KCND2: variants seen among roughly 807,000 people sequenced by gnomAD.
KCND2 encodes the protein potassium voltage-gated channel subfamily D member 2.
A neutral mutation model predicts 54.4 loss-of-function variants in KCND2; 16 were observed. The ratio of observed to expected loss-of-function variants is 0.29; its 90% CI spans 0.20 to 0.45. KCND2 has a LOEUF of 0.45. KCND2 is among the 20% of genes least tolerant of loss of function. KCND2 has a pLI of 1.00. For synonymous variants in KCND2, 317 were observed against 310.7 expected, an observed-to-expected ratio of 1.02 and a Z score of -0.21; for missense variants, 486 against 824.2, an observed-to-expected ratio of 0.59 and a Z score of 5.02.
At chr7:120,701,457 T>C (rs1199656364) in intron 1 of KCND2, among the ~76,000 whole-genome samples, 1 of 152,042 alleles carries the variant, frequency 6.6e-6, no homozygotes, top group Non-Finnish European at 1.5e-5. Context: ...AGTGCTCATA[T>C]TCAAAAGGAG....
intron 1 of KCND2, among the ~76,000 whole-genome samples, chr7:120,523,437 T>A (rs1293042411): frequency 1.3e-5 from 2 of 150,382 alleles, no homozygotes; most frequent in Non-Finnish European, 3.0e-5. Context: ...ATTTAGGTAG[T>A]TTTTTAAATG....
At chr7:120,709,068 G>A (rs959796604) in intron 1 of KCND2, among the ~76,000 whole-genome samples, 3 of 152,034 alleles carry the variant, frequency 2.0e-5, no homozygotes, top group East Asian at 1.9e-4. Flanking sequence ...TACCCTGTCC[G>A]TGCTACCAAG....
At chr7:120,491,373 A>G (rs1330502119) in intron 1 of KCND2, among the ~76,000 whole-genome samples, 2 of 152,160 alleles carry the variant, frequency 1.3e-5, no homozygotes, top group Admixed American at 6.6e-5. Context: ...GTGGATATGT[A>G]TGATTATAGG....
At chr7:120,605,300 T>A (rs188661471) in intron 1 of KCND2, among the ~76,000 whole-genome samples, 1 of 152,252 alleles carries the variant, frequency 6.6e-6, no homozygotes, top group African/African-American at 2.4e-5. Flanking sequence ...CTAGACACTT[T>A]ATGTAAATGC....
chr7:120,725,905 G>A (rs974575521), intron 1 of KCND2, among the ~76,000 whole-genome samples: 4 of 152,056 alleles, frequency 2.6e-5, no homozygotes, highest in African/African-American at 7.2e-5. Flanking sequence ...ATTTATCCAC[G>A]CACTCCTTGA....
At chr7:120,570,416 T>C (rs374811647) in intron 1 of KCND2, among the ~76,000 whole-genome samples, 1 of 136,076 alleles carries the variant, frequency 7.3e-6, no homozygotes, top group East Asian at 2.1e-4. Context: ...TATAAAAAGT[T>C]AAAAAAAAAA....
At chr7:120,449,618 G>A (rs1237610119) in intron 1 of KCND2, among the ~76,000 whole-genome samples, 1 of 152,192 alleles carries the variant, frequency 6.6e-6, no homozygotes. Context: ...AAACTGGGAT[G>A]TGAAGACTTA....
Position 120,715,506 on chromosome 7 carries a change from C to T in KCND2, c.1116-17397C>T, listed in dbSNP as rs146483631. On this transcript the variant is annotated intron_variant, in intron 1 of 5. Transcript: ENST00000331113. ...TATTACATCTGAAGGGTGGATGTTCCGTATATAAAGGCACAAACACAGCTA... is the reference window on the plus strand; with the variant it reads ...TATTACATCTGAAGGGTGGATGTTCTGTATATAAAGGCACAAACACAGCTA... 3.0e-4 allele frequency among the ~76,000 whole-genome samples: 45 copies of T among 151,944 alleles called. No homozygotes were observed. The East Asian group carries it at 7.2e-3, about 24-fold the overall frequency.
At chr7:120,340,499 G>A (rs4730958) in intron 1 of KCND2, among the ~76,000 whole-genome samples, 101,901 of 152,102 alleles carry the variant, frequency 0.67, 38,479 homozygotes, top group South Asian at 0.91. Context: ...TGCTAGTTTT[G>A]AAATATCTAT....
At chr7:120,409,428 G>T (rs1277980900) in intron 1 of KCND2, among the ~76,000 whole-genome samples, 1 of 151,864 alleles carries the variant, frequency 6.6e-6, no homozygotes, top group East Asian at 1.9e-4. Flanking sequence ...GTTTGAGATT[G>T]CTAGATAATA....
intron 1 of KCND2, among the ~76,000 whole-genome samples, chr7:120,300,382 T>G (rs1765689325): frequency 6.6e-6 from 1 of 152,116 alleles, no homozygotes; most frequent in Non-Finnish European, 1.5e-5. Context: ...TACATTTATA[T>G]TAATATCTTT....
At chr7:120,365,686 T>C (rs941632276) in intron 1 of KCND2, among the ~76,000 whole-genome samples, 3 of 152,118 alleles carry the variant, frequency 2.0e-5, no homozygotes, top group African/African-American at 4.8e-5. Context: ...TAAATACTTT[T>C]TGACGTGCAT....
At chr7:120,588,874 G>C (rs1316408555) in intron 1 of KCND2, among the ~76,000 whole-genome samples, 1 of 152,138 alleles carries the variant, frequency 6.6e-6, no homozygotes, top group African/African-American at 2.4e-5. Context: ...CCATCTGACA[G>C]AATTTTACTC....
intron 1 of KCND2, among the ~76,000 whole-genome samples, chr7:120,494,990 T>A (rs1355921032): frequency 2.0e-5 from 3 of 152,084 alleles, no homozygotes; most frequent in Non-Finnish European, 2.9e-5. Context: ...AGCCATGGAG[T>A]GTATAATTGG....
At chr7:120,642,396 TAAAAA>T (rs35453111) in intron 1 of KCND2, among the ~76,000 whole-genome samples, 3 of 99,728 alleles carry the variant, frequency 3.0e-5, no homozygotes, top group Admixed American at 1.1e-4. Context: ...CCTTCTCTAC[TAAAAA>T]AAAAAAAAAA....
intron 1 of KCND2, among the ~76,000 whole-genome samples, chr7:120,607,893 C>A (rs535158320): frequency 2.4e-4 from 37 of 152,004 alleles, no homozygotes; most frequent in African/African-American, 8.7e-4. Context: ...TAGTCCTAAC[C>A]AGGAAAAGTG....
intron 1 of KCND2, among the ~76,000 whole-genome samples, chr7:120,512,561 C>CA (rs1803134498): frequency 2.0e-5 from 3 of 151,914 alleles, no homozygotes. Flanking sequence ...TTGCCCATGG[C>CA]ACTAATAAGT....
At chr7:120,708,147 GT>G (rs1792493379) in intron 1 of KCND2, among the ~76,000 whole-genome samples, 1 of 152,104 alleles carries the variant, frequency 6.6e-6, no homozygotes, top group Non-Finnish European at 1.5e-5. Flanking sequence ...TTTCATAATA[GT>G]TGTTAAAATC....
intron 1 of KCND2, among the ~76,000 whole-genome samples, chr7:120,353,442 G>T (rs1364837191): frequency 2.0e-5 from 3 of 152,044 alleles, no homozygotes; most frequent in African/African-American, 7.2e-5. Flanking sequence ...GTAAGAGATT[G>T]TACTGAGTGA....
Sources: gnomAD v4.1 joint callset for allele counts (sites outside exome capture counted in the v4.1 genomes callset) on GRCh38, gnomAD v4.1.1 for gene constraint, MANE v1.5 for transcripts, NCBI Gene and HGNC (gene_info 2026-07-23, HGNC 2026-07-21) for gene names.